Variants in TMTC1 observed in about 807,000 individuals in gnomAD.
TMTC1 encodes the protein transmembrane O-mannosyltransferase targeting cadherins 1.
A neutral mutation model predicts 104.8 loss-of-function variants in TMTC1; 73 were observed. That is an observed-to-expected ratio of 0.70 (90% CI 0.58 to 0.85). TMTC1 has a LOEUF of 0.85. Ranked by LOEUF, TMTC1 falls within the 40% of genes least tolerant of loss-of-function variation. The pLI is 0.00. For missense variants in TMTC1, 1,035 were observed against 1,096.1 expected (o/e 0.94, Z 0.79); for synonymous variants, 434 against 428.7 (o/e 1.01, Z -0.15).
intron 10 of TMTC1, among the ~76,000 whole-genome samples, chr12:29,551,586 G>T (rs1023029329): frequency 3.9e-5 from 6 of 152,070 alleles, no homozygotes; most frequent in African/African-American, 1.4e-4. Flanking sequence ...AATAAGGGAG[G>T]TATGACATGG....
chr12:29,624,127 C>T (rs1164629811), intron 6 of TMTC1, among the ~76,000 whole-genome samples: 1 of 151,948 alleles, frequency 6.6e-6, no homozygotes, highest in East Asian at 2.0e-4. Context: ...TTACATGCAC[C>T]CACCATCACG....
At chr12:29,524,066 T>C (rs943339538) in intron 11 of TMTC1, among the ~76,000 whole-genome samples, 5 of 152,210 alleles carry the variant, frequency 3.3e-5, no homozygotes, top group African/African-American at 1.2e-4. Flanking sequence ...TTATTGGTTA[T>C]GATGTCTTTA....
intron 11 of TMTC1, chr12:29,534,398 T>C (rs1014221210): frequency 6.6e-6 from 1 of 152,236 alleles, no homozygotes; most frequent in African/African-American, 2.4e-5. Context: ...CATTCACATC[T>C]AGAACAGAAA....
At chr12:29,700,854 C>A (rs376485490) in intron 5 of TMTC1, among the ~76,000 whole-genome samples, 2 of 152,128 alleles carry the variant, frequency 1.3e-5, no homozygotes, top group African/African-American at 4.8e-5. Flanking sequence ...ATATAATCAG[C>A]ACTCTGTAAA....
At position 29,502,203 on chromosome 12, in the gene TMTC1, G is replaced by A. The variant is rs879573442; in HGVS notation, c.*4643C>T. 4.6e-5 allele frequency: 7 copies of A among 151,928 alleles called. No individual in the cohort carries two copies. Among genetic ancestry groups the A allele is most frequent in the Admixed American group, 4.6e-4 (7 of 15,264 alleles). The allele number at this position is 151,928 out of a possible 1,614,324, so 9.4% of individuals were successfully genotyped here. ...GATACCAACATATAATCAAATCAAAGTAAACATAATTTGGAAACCAGGAAC... is the reference window on the plus strand; with the variant it reads ...GATACCAACATATAATCAAATCAAAATAAACATAATTTGGAAACCAGGAAC... On this transcript the variant is annotated 3_prime_UTR_variant, in exon 18 of 18. Transcript: ENST00000539277.
intron 5 of TMTC1, among the ~76,000 whole-genome samples, chr12:29,682,938 G>C (rs537300780): frequency 7.2e-4 from 110 of 152,298 alleles, no homozygotes; most frequent in Non-Finnish European, 1.4e-3. Flanking sequence ...CTATAGCTAT[G>C]TACAATGTAA....
At chr12:29,644,089 A>ATATG (rs1283614305) in intron 5 of TMTC1, among the ~76,000 whole-genome samples, 1 of 42,364 alleles carries the variant, frequency 2.4e-5, no homozygotes, top group African/African-American at 1.1e-4. Context: ...ATATAAATAT[A>ATATG]AATATAAATA....
intron 5 of TMTC1, among the ~76,000 whole-genome samples, chr12:29,649,087 C>T (rs1250992954): frequency 6.6e-6 from 1 of 152,116 alleles, no homozygotes; most frequent in Admixed American, 6.5e-5. Context: ...CCCACTCCAA[C>T]CCCACCACTC....
intron 12 of TMTC1, 118 bp from the exon 13 acceptor site, chr12:29,518,725 T>C: frequency 7.8e-7 from 1 of 1,282,914 alleles, no homozygotes; most frequent in Non-Finnish European, 1.1e-6. Flanking sequence ...ATACCAAAAT[T>C]ATTCAATATG....
At chr12:29,661,493 C>G (rs957026713) in intron 5 of TMTC1, 3 of 172,180 alleles carry the variant, frequency 1.7e-5, no homozygotes, top group Non-Finnish European at 3.2e-5. Flanking sequence ...GCGATCTCAG[C>G]TCACTGCAAC....
At chr12:29,523,027 G>A (rs1944225677) in intron 11 of TMTC1, among the ~76,000 whole-genome samples, 1 of 152,156 alleles carries the variant, frequency 6.6e-6, no homozygotes, top group Non-Finnish European at 1.5e-5. Flanking sequence ...GGCCAATGGG[G>A]AATTGGGGAG....
chr12:29,546,338 G>A (rs897365477), intron 10 of TMTC1, among the ~76,000 whole-genome samples: 1 of 152,138 alleles, frequency 6.6e-6, no homozygotes, highest in Non-Finnish European at 1.5e-5. Flanking sequence ...TATGCTGGCC[G>A]GCAGACAAGA....
At chr12:29,745,985 C>T (rs1300337221) in intron 5 of TMTC1, among the ~76,000 whole-genome samples, 5 of 152,134 alleles carry the variant, frequency 3.3e-5, no homozygotes. Flanking sequence ...CTTATTTATA[C>T]ACAAAGCAAG....
chr12:29,727,648 TTACAGGC>T (rs1311464640), intron 5 of TMTC1, among the ~76,000 whole-genome samples: 1 of 152,200 alleles, frequency 6.6e-6, no homozygotes, highest in Non-Finnish European at 1.5e-5. Context: ...AGTGCTGGAA[TTACAGGC>T]GTGAGCCACC....
intron 5 of TMTC1, among the ~76,000 whole-genome samples, chr12:29,653,531 CT>C (rs1939619588): frequency 6.6e-6 from 1 of 152,164 alleles, no homozygotes; most frequent in African/African-American, 2.4e-5. Flanking sequence ...GATACAATGT[CT>C]CCTTTGTTCT....
At chr12:29,757,664 G>A (rs1378426887) in intron 3 of TMTC1, among the ~76,000 whole-genome samples, 13 of 152,190 alleles carry the variant, frequency 8.5e-5, no homozygotes, top group Admixed American at 2.0e-4. Flanking sequence ...CTGTTTTCAC[G>A]CTGCTGATAA....
intron 5 of TMTC1, among the ~76,000 whole-genome samples, chr12:29,737,532 A>G (rs976724510): frequency 5.9e-5 from 9 of 152,144 alleles, no homozygotes; most frequent in African/African-American, 2.2e-4. Context: ...AAAAATAAAA[A>G]TAAAAAAAGG....
At chr12:29,710,949 TATATATAA>T (rs1261402214) in intron 5 of TMTC1, among the ~76,000 whole-genome samples, 2 of 71,672 alleles carry the variant, frequency 2.8e-5, no homozygotes, top group East Asian at 1.0e-3. Flanking sequence ...TATATAAATA[TATATATAA>T]ATATATTAAT....
chr12:29,685,802 A>G (rs1941073655), intron 5 of TMTC1, among the ~76,000 whole-genome samples: 1 of 152,132 alleles, frequency 6.6e-6, no homozygotes, highest in Non-Finnish European at 1.5e-5. Context: ...TCAAATTCAA[A>G]TTTTGTAAGA....
Sources: allele counts gnomAD v4.1 joint callset (sites outside exome capture counted in the v4.1 genomes callset), GRCh38; gene constraint gnomAD v4.1.1; transcripts MANE v1.5; gene names NCBI Gene and HGNC (gene_info 2026-07-23, HGNC 2026-07-21).